GREB1: variants seen among roughly 807,000 people sequenced by gnomAD.
GREB1 encodes the protein protein GREB1.
GREB1 carries 106 observed loss-of-function variants against 200.7 expected under a neutral mutation model. The ratio of observed to expected loss-of-function variants is 0.53; its 90% CI spans 0.45 to 0.62. GREB1 has a LOEUF of 0.62. GREB1 is among the 20% of genes least tolerant of loss of function. The pLI is 0.00. For synonymous variants in GREB1, 1,132 were observed against 1,092.4 expected (o/e 1.04, Z -0.72); for missense variants, 2,243 against 2,556.8 (o/e 0.88, Z 2.65).
In GREB1 at chr2:11,556,510, G is replaced by C; in HGVS notation, c.-105G>C. ...CGTCTCTGCTGAGCGAAGGCTACAC[G>C]GCCCTTCCTCCTTGCAGCTGTTTCA... On this transcript the variant is annotated 5_prime_UTR_variant, in exon 2 of 33. Coordinates refer to ENST00000381486, the MANE Select transcript of GREB1 (RefSeq NM_014668.4). 2.2e-6 allele frequency: 2 copies of C among 892,996 alleles called. No homozygotes were observed. Among genetic ancestry groups the C allele is most frequent in the East Asian group, 2.5e-5 (1 of 39,990 alleles). The allele number at this position is 892,996 out of a possible 1,614,324, so 55.3% of individuals were successfully genotyped here.
chr2:11,573,650 C>G (rs957254460), intron 4 of GREB1, among the ~76,000 whole-genome samples: 1 of 152,184 alleles, frequency 6.6e-6, no homozygotes, highest in Non-Finnish European at 1.5e-5. Flanking sequence ...CAAGACACCT[C>G]ACAGAAGAGC....
chr2:11,618,985 G>A (rs1683770593), intron 22 of GREB1, 66 bp downstream of exon 22: 2 of 1,373,950 alleles, frequency 1.5e-6, no homozygotes, highest in East Asian at 2.5e-5. Context: ...CCATCTGGAG[G>A]GCAGGCCTGG....
At chr2:11,502,722 A>G (rs1383742671) in intron 1 of GREB1, among the ~76,000 whole-genome samples, 1 of 152,144 alleles carries the variant, frequency 6.6e-6, no homozygotes, top group East Asian at 1.9e-4. Context: ...ATATTTATTG[A>G]CCTCAGATAT....
rs981812634 is a variant in GREB1 at position 11,556,549 on chromosome 2, G to A, written c.-66G>A. ...GCAGCTGTTTCACCTTCTACCTTGC[G>A]TGGAGCCAGGCTTTTGCACCGAATC... On this transcript the variant is annotated 5_prime_UTR_variant, in exon 2 of 33. It adds an upstream start codon to the 5' untranslated region. Coordinates refer to ENST00000381486, the MANE Select transcript of GREB1 (RefSeq NM_014668.4). 1.0e-5 allele frequency: 14 copies of A among 1,356,034 alleles called. No individual in the cohort carries two copies. The highest frequency in any genetic ancestry group is 7.2e-5 in the African/African-American group (5 of 69,356). The allele number at this position is 1,356,034 out of a possible 1,614,324, so 84.0% of individuals were successfully genotyped here. A position where few individuals can be genotyped will look rare whatever the true frequency, so the allele number is the denominator to read the frequency against.
intron 15 of GREB1, among the ~76,000 whole-genome samples, chr2:11,600,151 A>G (rs984096223): frequency 6.6e-6 from 1 of 152,226 alleles, no homozygotes; most frequent in South Asian, 2.1e-4. Context: ...AAATCGGAAC[A>G]TTCCGAAATT....
chr2:11,629,030 C>G lies in GREB1; in HGVS notation c.4450-918C>G, dbSNP rs536573243. Reference sequence around the variant, plus strand: ...GGCTCCCTTGACCTTTTTTATGAAACTGCCTCAGTGTGTCCTCCTTAACTG... The same window carrying G: ...GGCTCCCTTGACCTTTTTTATGAAAGTGCCTCAGTGTGTCCTCCTTAACTG... On this transcript the variant is annotated intron_variant, in intron 25 of 32. Coordinates refer to ENST00000381486, the MANE Select transcript of GREB1 (RefSeq NM_014668.4). This position sits in a 1 kb window ranked among gnomAD's most constrained non-coding sequence, Gnocchi z 5.2. Among the ~76,000 whole-genome samples the G allele has an allele frequency of 1.3e-5, 2 of 152,334 alleles. No homozygotes were observed. Among genetic ancestry groups the G allele is most frequent in the African/African-American group, 4.8e-5 (2 of 41,574 alleles).
At chr2:11,509,429 C>A (rs1673288549) in intron 1 of GREB1, among the ~76,000 whole-genome samples, 1 of 151,400 alleles carries the variant, frequency 6.6e-6, no homozygotes. Flanking sequence ...CAGGTATATC[C>A]TTTCATCCAA....
intron 1 of GREB1, among the ~76,000 whole-genome samples, chr2:11,490,775 C>G (rs946526922): frequency 2.6e-5 from 4 of 152,156 alleles, no homozygotes; most frequent in African/African-American, 9.7e-5. Flanking sequence ...TCTTGAACTC[C>G]TGACCTCAGG....
At chr2:11,547,650 A>G (rs891587095) in intron 1 of GREB1, among the ~76,000 whole-genome samples, 1 of 152,222 alleles carries the variant, frequency 6.6e-6, no homozygotes, top group African/African-American at 2.4e-5. Flanking sequence ...ATGAAAAATG[A>G]AAATGAAAAA....
At chr2:11,591,597 C>T (rs1287648395) in intron 10 of GREB1, 12 of 624,546 alleles carry the variant, frequency 1.9e-5, no homozygotes, top group Admixed American at 8.0e-5. Context: ...AGCGCTTGTC[C>T]GATGCACCGT....
chr2:11,617,771 T>A (rs1467993213), intron 21 of GREB1, among the ~76,000 whole-genome samples: 3 of 151,744 alleles, frequency 2.0e-5, no homozygotes, highest in African/African-American at 7.3e-5. Context: ...CGGCTGAGAG[T>A]CCCTGCTGTT....
rs3792035 is a variant in GREB1, at chr2:11,617,709, C to T, written c.3413-579C>T. 7.8e-4 allele frequency among the ~76,000 whole-genome samples: 118 copies of T among 152,192 alleles called. 2 individuals carry two copies. The East Asian group carries it at 0.015, about 20-fold the overall frequency. ...TGCGGGGACGGGTGTGTGCGGTGGC[C>T]GCAGGCTCCTGTTGTTGGGGCCGGG... On this transcript the variant is annotated intron_variant, in intron 21 of 32. Transcript: ENST00000381486.
At chr2:11,635,443 C>T (rs573125188) in intron 30 of GREB1, 38 bp downstream of exon 30, 34 of 1,568,074 alleles carry the variant, frequency 2.2e-5, no homozygotes, top group African/African-American at 6.7e-5. Flanking sequence ...CTATGTCCAC[C>T]GCCTGGGCCG....
intron 30 of GREB1, among the ~76,000 whole-genome samples, chr2:11,637,160 G>A (rs1685447388): frequency 6.6e-6 from 1 of 152,064 alleles, no homozygotes; most frequent in African/African-American, 2.4e-5. Context: ...CGGTATGGAG[G>A]AAGGGGAGGA....
intron 1 of GREB1, among the ~76,000 whole-genome samples, chr2:11,511,743 A>G (rs1446519473): frequency 5.3e-5 from 8 of 152,166 alleles, no homozygotes; most frequent in Non-Finnish European, 2.9e-5. Context: ...GGGCTTTCAT[A>G]TAGCCCAAAG....
intron 11 of GREB1, among the ~76,000 whole-genome samples, chr2:11,593,368 A>C (rs1235535820): frequency 4.6e-5 from 7 of 152,180 alleles, no homozygotes; most frequent in Admixed American, 4.6e-4. Context: ...GAATGTGGAA[A>C]GACCCTGTTG....
intron 17 of GREB1, among the ~76,000 whole-genome samples, chr2:11,603,513 C>A (rs779566441): frequency 6.6e-6 from 1 of 152,330 alleles, no homozygotes; most frequent in East Asian, 1.9e-4. Flanking sequence ...GTTCTTGGAG[C>A]CTTCAGCACA....
chr2:11,625,353 G>T, intron 24 of GREB1, 41 bp downstream of exon 24: 1 of 1,589,532 alleles, frequency 6.3e-7, no homozygotes, highest in South Asian at 1.1e-5. Flanking sequence ...CAGAGTGCAT[G>T]GGCACAGCCT....
At position 11,610,455 on chromosome 2, in the gene GREB1, A is replaced by G. The variant is rs995284282; in HGVS notation, c.2667-233A>G. Among the ~76,000 whole-genome samples, 5 of 152,376 alleles carry G rather than the reference A, an allele frequency of 3.3e-5. 1 individual carries two copies. The highest frequency in any genetic ancestry group is 2.1e-4 in the South Asian group (1 of 4,830). On this transcript the variant is annotated intron_variant, in intron 17 of 32. Transcript: ENST00000381486. ...AAGTGCCAAATGCTGGAAAAACGTA[A>G]TAACAACAAACCTATGTTTTTGTTT...
Sources: gnomAD v4.1 joint callset for allele counts (sites outside exome capture counted in the v4.1 genomes callset) on GRCh38, gnomAD v4.1.1 for gene constraint, Gnocchi (gnomAD v3.1) non-coding constraint, MANE v1.5 for transcripts, NCBI Gene and HGNC (gene_info 2026-07-23, HGNC 2026-07-21) for gene names.